Variants in VWDE observed in about 807,000 individuals in gnomAD.
The protein encoded by VWDE is von Willebrand factor D and EGF domain-containing protein.
In VWDE, 207 loss-of-function variants were observed where a neutral mutation model predicts 178.4. The observed-to-expected ratio is 1.16, with a 90% CI of 1.04 to 1.30. The LOEUF (loss-of-function observed/expected upper bound fraction) is 1.30, where lower values mean the gene tolerates loss of function less well. VWDE is among the 50% of genes most tolerant of loss of function. The pLI, the probability that VWDE is intolerant of heterozygous loss-of-function variation, is 0.00. For missense variants in VWDE, 2,287 were observed against 1,901.3 expected, an observed-to-expected ratio of 1.20 and a Z score of -3.77; for synonymous variants, 738 against 651.4, an observed-to-expected ratio of 1.13 and a Z score of -2.02.
chr7:12,367,359 G>A lies in VWDE; in HGVS notation c.2896C>T (p.Gln966Ter). ...TCTGAACTCTATAATTAACATACCT[G>A]TAGCTTAGTAACTTCACATTTAATT... ...PSIKCEVTKL[Q>*]YNSSEWMPGE... Residue 966 changes from glutamine (Q) to a stop codon, truncating the protein, a stop_gained and splice_region_variant, in exon 13 of 29, where the codon CAG becomes TAG. Coordinates refer to ENST00000275358, the MANE Select transcript of VWDE (RefSeq NM_001135924.3). LOFTEE classifies it high-confidence loss of function. 1 of 1,541,220 alleles carries A rather than the reference G, an allele frequency of 6.5e-7. No homozygotes were observed.
intron 18 of VWDE, among the ~76,000 whole-genome samples, chr7:12,352,585 G>A (rs16877384): frequency 2.0e-5 from 3 of 152,168 alleles, no homozygotes; most frequent in African/African-American, 2.4e-5. Context: ...GAAAGAAAAC[G>A]GCTAGATCAC....
At chr7:12,380,937 C>G (rs55690557) in intron 4 of VWDE, among the ~76,000 whole-genome samples, 4 of 152,032 alleles carry the variant, frequency 2.6e-5, no homozygotes, top group African/African-American at 7.3e-5. Context: ...AGCCAAGCAA[C>G]GTTATCAGCT....
chr7:12,387,340 A>T (rs1784152407), intron 3 of VWDE, among the ~76,000 whole-genome samples: 1 of 152,052 alleles, frequency 6.6e-6, no homozygotes, highest in Non-Finnish European at 1.5e-5. Flanking sequence ...TTATGAAAAA[A>T]GATTGCATTA....
In VWDE at chr7:12,360,353, A is replaced by G. The variant is rs1394858480; in HGVS notation, c.3160-661T>C. Among the ~76,000 whole-genome samples, 4 of 152,174 alleles carry G rather than the reference A, an allele frequency of 2.6e-5. No individual in the cohort carries two copies. The East Asian group carries it at 7.7e-4, about 29-fold the overall frequency. ...ACAAAAGTTAGAGCAAAATAGCTCC[A>G]GGAGGAGAAAACAATCTTGAATAAT... On this transcript the variant is annotated intron_variant, in intron 15 of 28. Coordinates refer to ENST00000275358, the MANE Select transcript of VWDE (RefSeq NM_001135924.3).
At chr7:12,388,181 T>C (rs955240518) in intron 3 of VWDE, among the ~76,000 whole-genome samples, 1 of 152,182 alleles carries the variant, frequency 6.6e-6, no homozygotes, top group African/African-American at 2.4e-5. Flanking sequence ...TTTGTTAGTG[T>C]GTTCTTTAAT....
intron 1 of VWDE, among the ~76,000 whole-genome samples, chr7:12,402,268 T>C (rs934177277): frequency 6.6e-6 from 1 of 152,202 alleles, no homozygotes; most frequent in Admixed American, 6.5e-5. Flanking sequence ...ACTCTGAATA[T>C]ACACATATCT....
chr7:12,403,583 A>G (rs1785013969), intron 1 of VWDE, 76 bp downstream of exon 1: 2 of 1,410,100 alleles, frequency 1.4e-6, no homozygotes, highest in East Asian at 5.2e-5. Flanking sequence ...AAGTCGTCCA[A>G]AAAGTCTAGC....
chr7:12,357,133 T>C, intron 17 of VWDE, 132 bp downstream of exon 17: 1 of 1,229,124 alleles, frequency 8.1e-7, no homozygotes, highest in Non-Finnish European at 1.1e-6. Flanking sequence ...TTTCGGCAGT[T>C]TAATTTTCCA....
intron 23 of VWDE, 116 bp from the exon 24 acceptor site, chr7:12,340,533 G>T (rs989976895): frequency 6.4e-5 from 43 of 670,612 alleles, no homozygotes; most frequent in Admixed American, 3.1e-5. Flanking sequence ...TGCAAGTAAA[G>T]CCCATAATGT....
In VWDE at chr7:12,367,215, C is replaced by T. The variant is rs1443093437; in HGVS notation, c.2898+142G>A. The T allele has an allele frequency of 7.0e-6, 4 of 569,416 alleles. No homozygotes were observed. The African/African-American group carries it at 7.8e-5, about 11-fold the overall frequency. The allele number at this position is 569,416 out of a possible 1,614,324, so 35.3% of individuals were successfully genotyped here. On this transcript the variant is annotated intron_variant, in intron 13 of 28. Transcript: ENST00000275358. ...ACAAAGAAGCGTCAACATTATGTAA[C>T]TTAATCATTTTCCTGTTCAGCTCTC... is the stretch of plus-strand genomic sequence containing the variant.
At chr7:12,368,676 T>C (rs1341638731) in intron 12 of VWDE, among the ~76,000 whole-genome samples, 1 of 152,162 alleles carries the variant, frequency 6.6e-6, no homozygotes, top group African/African-American at 2.4e-5. Flanking sequence ...ATTCGAGCTA[T>C]ATAAACACAG....
chr7:12,374,094 A>G (rs1783376039), intron 9 of VWDE, among the ~76,000 whole-genome samples: 1 of 152,120 alleles, frequency 6.6e-6, no homozygotes, highest in African/African-American at 2.4e-5. Flanking sequence ...TTCCTTACAG[A>G]CATCTCAGAA....
chr7:12,369,639 T>G lies in VWDE; in HGVS notation c.2667A>C (p.Lys889Asn), dbSNP rs1219249355. 1 of 1,551,588 alleles carries G rather than the reference T, an allele frequency of 6.4e-7. No individual in the cohort carries two copies. The highest frequency in any genetic ancestry group is 1.2e-5 in the South Asian group (1 of 84,056). The change falls in exon 12 of 29, where the codon AAA (lysine) becomes AAC (asparagine). Residue 889 changes from lysine to asparagine, a missense_variant. Physicochemically the swap from Lys to Asn is moderately conservative, Grantham distance 94 (BLOSUM62 0). Coordinates refer to ENST00000275358, the MANE Select transcript of VWDE (RefSeq NM_001135924.3). ...TSIEDILSVL[K>N]CPNLCSGNGQ... is the part of the protein sequence containing the mutation. Reference sequence around the variant, plus strand: ...CATTGCCGCTGCATAAATTGGGGCATTTTAATACTGAGAGAATGTCTTCAA... The same window carrying G: ...CATTGCCGCTGCATAAATTGGGGCAGTTTAATACTGAGAGAATGTCTTCAA...
chr7:12,355,341 A>G (rs144372894), intron 18 of VWDE, among the ~76,000 whole-genome samples: 2,566 of 151,438 alleles, frequency 0.017, 65 homozygotes, highest in African/African-American at 0.06. Context: ...GCGTGAACCC[A>G]GGAGGCGGAG....
chr7:12,380,761 T>C (rs1783813637), intron 4 of VWDE, 28 bp from the exon 5 acceptor site: 1 of 1,549,552 alleles, frequency 6.5e-7, no homozygotes, highest in Non-Finnish European at 8.7e-7. Context: ...AATTTGTAAC[T>C]GGGAATCTTA....
rs958367801 is a variant in VWDE, at chr7:12,370,819, A to T, written c.1633T>A (p.Trp545Arg). 6.4e-7 allele frequency: 1 copy of T among 1,550,784 alleles called. No individual in the cohort carries two copies. Among genetic ancestry groups the T allele is most frequent in the Non-Finnish European group, 8.7e-7 (1 of 1,146,530 alleles). The change falls in exon 11 of 29, where the codon TGG (tryptophan) becomes AGG (arginine). Residue 545 changes from tryptophan to arginine, a missense_variant. Trp to Arg is a moderately radical substitution (Grantham distance 101). Transcript: ENST00000275358. Reference sequence around the variant, plus strand: ...GCTCTGATCGTTAGACTCATGCCCCATTCACCAAGATCAGCACGGATAAAT... The same window carrying T: ...GCTCTGATCGTTAGACTCATGCCCCTTTCACCAAGATCAGCACGGATAAAT... Reference protein sequence around the residue: ...GAFIRADLGEWGMSLTIRAPS... With the variant: ...GAFIRADLGERGMSLTIRAPS...
intron 24 of VWDE, 23 bp downstream of exon 24, chr7:12,340,299 A>G (rs1187738549): frequency 1.3e-6 from 2 of 1,522,384 alleles, no homozygotes; most frequent in South Asian, 1.2e-5. Context: ...TGCCCTTTTT[A>G]CATACAAAGA....
chr7:12,342,185 A>T, intron 22 of VWDE, 31 bp from the exon 23 acceptor site: 2 of 1,539,404 alleles, frequency 1.3e-6, no homozygotes, highest in Non-Finnish European at 1.8e-6. Context: ...GAAAAGAAAG[A>T]TTAGGCTTGG....
intron 3 of VWDE, among the ~76,000 whole-genome samples, chr7:12,386,530 C>A (rs1427666181): frequency 1.3e-5 from 2 of 152,220 alleles, no homozygotes; most frequent in Admixed American, 1.3e-4. Flanking sequence ...CTCCCTCACT[C>A]ATTGAGATCT....
Sources: allele counts gnomAD v4.1 joint callset (sites outside exome capture counted in the v4.1 genomes callset), GRCh38; gene constraint gnomAD v4.1.1; transcripts MANE v1.5; gene names NCBI Gene and HGNC (gene_info 2026-07-23, HGNC 2026-07-21).